FAN1: variants seen among roughly 807,000 people sequenced by gnomAD.
FAN1 encodes the protein FANCD2 and FANCI associated nuclease 1.
A neutral mutation model predicts 104.9 loss-of-function variants in FAN1; 91 were observed. The ratio of observed to expected loss-of-function variants is 0.87; its 90% CI spans 0.73 to 1.03. The LOEUF (loss-of-function observed/expected upper bound fraction) is 1.03, where lower values mean the gene tolerates loss of function less well. Among genes scored for constraint, FAN1 ranks in the 50% least tolerant of loss-of-function variants. FAN1 has a pLI of 0.00. For missense variants in FAN1, 1,263 were observed against 1,239.9 expected (o/e 1.02, Z -0.28); for synonymous variants, 478 against 457.6 (o/e 1.04, Z -0.57).
intron 3 of FAN1, among the ~76,000 whole-genome samples, chr15:30,909,643 C>T (rs1228208324): frequency 1.3e-5 from 2 of 152,240 alleles, no homozygotes; most frequent in Admixed American, 6.5e-5. Flanking sequence ...GCTCCAGCCC[C>T]ATGGGGCCTG....
At chr15:30,916,275 C>A (rs568515151) in intron 5 of FAN1, among the ~76,000 whole-genome samples, 4 of 152,072 alleles carry the variant, frequency 2.6e-5, no homozygotes, top group Non-Finnish European at 5.9e-5. Flanking sequence ...GTGAACCCAC[C>A]CTGTGCCTCA....
At position 30,928,650 on chromosome 15, in the gene FAN1, C is replaced by T; in HGVS notation, c.2586C>T (p.Ala862=). 6.2e-7 allele frequency: 1 copy of T among 1,613,974 alleles called. No homozygotes were observed. Among genetic ancestry groups the T allele is most frequent in the Non-Finnish European group, 8.5e-7 (1 of 1,179,986 alleles). ...MDGIPDVFRN[A]CQAFPLDLCT... ...GGATTCCGGATGTCTTCAGAAACGC[C>T]TGTCAGGTACTCCAGTGCCCCTGCC... is the stretch of plus-strand genomic sequence containing the variant. The change falls in exon 11 of 15, where the codon GCC becomes GCT. Residue 862 remains alanine, a synonymous_variant. Coordinates refer to ENST00000362065, the MANE Select transcript of FAN1 (RefSeq NM_014967.5).
intron 2 of FAN1, chr15:30,906,654 A>G: frequency 2.6e-6 from 1 of 379,398 alleles, no homozygotes; most frequent in South Asian, 1.9e-5. Context: ...CTCAGTAGAT[A>G]AAAAAGAGAA....
intron 5 of FAN1, among the ~76,000 whole-genome samples, chr15:30,915,174 C>T (rs980723941): frequency 6.6e-6 from 1 of 152,098 alleles, no homozygotes; most frequent in African/African-American, 2.4e-5. Flanking sequence ...GCTCAGAGGA[C>T]ATTATGTTAT....
intron 7 of FAN1, among the ~76,000 whole-genome samples, chr15:30,922,024 G>C (rs2293315): frequency 7.2e-5 from 11 of 152,320 alleles, no homozygotes; most frequent in African/African-American, 2.6e-4. Context: ...GGCAGGGACC[G>C]GGTGAAGAGT....
chr15:30,925,307 G>A lies in FAN1; in HGVS notation c.2337+16G>A, dbSNP rs778127796. ...TGTGAAACACGTGAGGAAAGAGCCT[G>A]TGGGTGCTTTGGACTTAGGCGCGTG... On this transcript the variant is annotated intron_variant, in intron 9 of 14. Transcript: ENST00000362065. The A allele has an allele frequency of 4.3e-6, 7 of 1,610,648 alleles. No individual in the cohort carries two copies. In the East Asian group the frequency reaches 6.7e-5, roughly 15 times the overall value.
chr15:30,935,384 C>T (rs903601126), intron 13 of FAN1, among the ~76,000 whole-genome samples: 1 of 152,024 alleles, frequency 6.6e-6, no homozygotes, highest in African/African-American at 2.4e-5. Context: ...AGTAGTTAGC[C>T]CTCTGTATCC....
chr15:30,941,378 GTTA>G, intron 14 of FAN1, 185 bp from the exon 15 acceptor site: 2 of 1,533,798 alleles, frequency 1.3e-6, no homozygotes, highest in Admixed American at 2.1e-5. Flanking sequence ...TACATATAAA[GTTA>G]TTAGAGATTC....
intron 8 of FAN1, among the ~76,000 whole-genome samples, chr15:30,924,364 G>C (rs2062407311): frequency 6.6e-6 from 1 of 152,174 alleles, no homozygotes; most frequent in South Asian, 2.1e-4. Flanking sequence ...TGGAACTGCT[G>C]GGTCCTGTGG....
At chr15:30,929,178 A>G (rs890693314) in intron 11 of FAN1, 25 bp from the exon 12 acceptor site, 7 of 1,606,182 alleles carry the variant, frequency 4.4e-6, no homozygotes, top group Non-Finnish European at 5.1e-6. Flanking sequence ...GCACAGTATG[A>G]CAGCTTGCTT....
intron 2 of FAN1, 89 bp from the exon 3 acceptor site, chr15:30,908,027 CAT>C: frequency 8.7e-6 from 9 of 1,036,966 alleles, no homozygotes; most frequent in Non-Finnish European, 1.2e-5. Context: ...ATACAGTAAG[CAT>C]ATGTGTATTT....
chr15:30,904,349 T>C (rs187395357), intron 1 of FAN1, among the ~76,000 whole-genome samples, 163 bp from the exon 2 acceptor site: 8 of 152,290 alleles, frequency 5.3e-5, no homozygotes, highest in Admixed American at 2.0e-4. Flanking sequence ...TAAGGGACAC[T>C]AAGATCGCGT....
At chr15:30,935,641 G>C (rs928501412) in intron 13 of FAN1, among the ~76,000 whole-genome samples, 5 of 152,226 alleles carry the variant, frequency 3.3e-5, no homozygotes, top group South Asian at 4.2e-4. Flanking sequence ...GGTAACAGAG[G>C]GGGTCCTTGA....
chr15:30,940,006 G>C, intron 14 of FAN1: 4 of 976,144 alleles, frequency 4.1e-6, no homozygotes, highest in Non-Finnish European at 3.7e-6. Flanking sequence ...AATTCAAAAA[G>C]AAACAGCTAT....
chr15:30,904,888 G>A lies in FAN1; in HGVS notation c.225G>A (p.Gly75=), dbSNP rs376882561. 1.2e-6 allele frequency: 2 copies of A among 1,613,804 alleles called. No homozygotes were observed. The highest frequency in any genetic ancestry group is 1.7e-6 in the Non-Finnish European group (2 of 1,179,934). Residue 75 remains glycine (G), a synonymous_variant, in exon 2 of 15, where the codon GGG becomes GGA. Coordinates refer to ENST00000362065, the MANE Select transcript of FAN1 (RefSeq NM_014967.5). ...ANNDFVQVDP[G]QVGLINSNVS... The stretch of plus-strand genomic sequence containing the variant: ...ATGACTTCGTTCAAGTGGATCCAGG[G>A]CAGGTTGGCTTAATAAATTCAAATG...
intron 4 of FAN1, among the ~76,000 whole-genome samples, chr15:30,912,079 T>G (rs1248041646): frequency 2.8e-5 from 4 of 140,606 alleles, no homozygotes; most frequent in Non-Finnish European, 6.2e-5. Context: ...AAAAAAAAAA[T>G]AGCAGCCCTT....
At chr15:30,909,788 C>A (rs1196087707) in intron 3 of FAN1, among the ~76,000 whole-genome samples, 1 of 152,236 alleles carries the variant, frequency 6.6e-6, no homozygotes, top group Non-Finnish European at 1.5e-5. Context: ...CACGTGGCCA[C>A]ACGGCATAGT....
chr15:30,934,246 CTTCT>C (rs2062793335), intron 13 of FAN1, among the ~76,000 whole-genome samples: 3 of 151,994 alleles, frequency 2.0e-5, no homozygotes. Context: ...CCACTTCAGC[CTTCT>C]TTTTTTTAAT....
intron 7 of FAN1, among the ~76,000 whole-genome samples, chr15:30,921,766 A>G (rs1030352044): frequency 7.2e-5 from 11 of 152,240 alleles, no homozygotes; most frequent in African/African-American, 2.4e-4. Context: ...TACATAATCT[A>G]GACCAGAGAA....
Sources: allele counts gnomAD v4.1 joint callset (sites outside exome capture counted in the v4.1 genomes callset), GRCh38; gene constraint gnomAD v4.1.1; transcripts MANE v1.5; gene names NCBI Gene and HGNC (gene_info 2026-07-23, HGNC 2026-07-21).